Variants in EIF3A observed in about 807,000 individuals in gnomAD.
EIF3A encodes the protein EIF3, p180 subunit.
A neutral mutation model predicts 186.6 loss-of-function variants in EIF3A; 21 were observed. The observed-to-expected ratio is 0.11, with a 90% confidence interval of 0.08 to 0.16. The LOEUF (loss-of-function observed/expected upper bound fraction) is 0.16. Among genes scored for constraint, EIF3A ranks in the 10% least tolerant of loss-of-function variants. The probability of loss-of-function intolerance (pLI) is 1.00; values close to 1 mark genes in which losing one functional copy is unlikely to be tolerated. For missense variants in EIF3A, 1,306 were observed against 1,796.3 expected, an observed-to-expected ratio of 0.73 and a Z score of 4.93; for synonymous variants, 563 against 584.3, an observed-to-expected ratio of 0.96 and a Z score of 0.52.
Position 119,073,596 on chromosome 10 carries a change from A to G in EIF3A, c.241-19T>C. The G allele has an allele frequency of 1.9e-6, 3 of 1,602,630 alleles. No homozygotes were observed. In the South Asian group the frequency reaches 3.4e-5, roughly 18 times the overall value. ...TGTTCACCTAATCCAAAAAAACAAA[A>G]ACTCTTCAGAACTTATTTTTCCATT... On this transcript the variant is annotated intron_variant, in intron 2 of 21. Transcript: ENST00000369144.
chr10:119,055,773 C>T (rs1354572261), intron 14 of EIF3A, among the ~76,000 whole-genome samples: 2 of 152,084 alleles, frequency 1.3e-5, no homozygotes, highest in Non-Finnish European at 2.9e-5. Flanking sequence ...ATGGTAACAA[C>T]AAACACCATG....
At chr10:119,048,120 G>A (rs964023297) in intron 17 of EIF3A, among the ~76,000 whole-genome samples, 3 of 152,086 alleles carry the variant, frequency 2.0e-5, no homozygotes, top group Non-Finnish European at 2.9e-5. Context: ...GACTACTAAC[G>A]CGTGTTTTAA....
chr10:119,048,970 CGAT>C (rs1848319155), intron 17 of EIF3A, among the ~76,000 whole-genome samples: 1 of 152,080 alleles, frequency 6.6e-6, no homozygotes, highest in Admixed American at 6.6e-5. Flanking sequence ...CCCGGCCAAA[CGAT>C]GATGTCTTTC....
In EIF3A at chr10:119,067,228, A is replaced by G. The variant is rs186785550; in HGVS notation, c.951-1658T>C. Among the ~76,000 whole-genome samples the G allele has an allele frequency of 3.3e-3, 508 of 152,072 alleles. 2 individuals are homozygous for G. Among genetic ancestry groups the G allele is most frequent in the Middle Eastern group, 0.031 (9 of 294 alleles). ...CAAAATTCTGTCTCAAAAAAAAAAAAAGGATGTGAATTACATAAGTGACAG... is the reference window on the plus strand; with the variant it reads ...CAAAATTCTGTCTCAAAAAAAAAAAGAGGATGTGAATTACATAAGTGACAG... On this transcript the variant is annotated intron_variant, in intron 6 of 21. Coordinates refer to ENST00000369144, the MANE Select transcript of EIF3A (RefSeq NM_003750.4).
intron 9 of EIF3A, chr10:119,060,032 A>G (rs767609859): frequency 5.8e-6 from 3 of 517,526 alleles, no homozygotes; most frequent in Admixed American, 2.3e-5. Flanking sequence ...GGAGACTGGC[A>G]GCATTACTAT....
At chr10:119,060,254 T>A in intron 9 of EIF3A, 1 of 448,274 alleles carries the variant, frequency 2.2e-6, no homozygotes, top group Non-Finnish European at 4.3e-6. Context: ...GAAAAGGCTG[T>A]CTCATTCACT....
In EIF3A at chr10:119,057,952, G is replaced by T; in HGVS notation, c.1977+4C>A. 1 of 1,606,000 alleles carries T rather than the reference G, an allele frequency of 6.2e-7. No individual in the cohort carries two copies. Among genetic ancestry groups the T allele is most frequent in the South Asian group, 1.1e-5 (1 of 90,100 alleles). On this transcript the variant is annotated splice_donor_region_variant and intron_variant, in intron 12 of 21. Transcript: ENST00000369144. The stretch of plus-strand genomic sequence containing the variant: ...AATTTTTTAATAACTAAGATGCTAC[G>T]TACTTCAATATCAATATCTTTGAAT...
At chr10:119,076,268 G>C (rs1400552746) in intron 1 of EIF3A, among the ~76,000 whole-genome samples, 1 of 149,748 alleles carries the variant, frequency 6.7e-6, no homozygotes. Flanking sequence ...AGGAGGCGGA[G>C]GTTGCGGTGA....
At chr10:119,050,260 A>G (rs1225785548) in intron 16 of EIF3A, among the ~76,000 whole-genome samples, 1 of 152,206 alleles carries the variant, frequency 6.6e-6, no homozygotes, top group South Asian at 2.1e-4. Flanking sequence ...TCTGGAATGT[A>G]TTCCTCAATA....
intron 19 of EIF3A, among the ~76,000 whole-genome samples, chr10:119,041,756 G>A (rs1345993952): frequency 1.3e-5 from 2 of 152,188 alleles, no homozygotes; most frequent in Admixed American, 6.5e-5. Flanking sequence ...AGCAGTCATC[G>A]AAGCAGAAGG....
At chr10:119,067,157 A>T (rs113979870) in intron 6 of EIF3A, among the ~76,000 whole-genome samples, 4,138 of 152,192 alleles carry the variant, frequency 0.027, 181 homozygotes, top group African/African-American at 0.094. Context: ...CAGAGGTTGC[A>T]GCGAGCCAAG....
chr10:119,042,681 C>T lies in EIF3A; in HGVS notation c.2839G>A (p.Glu947Lys). 6.2e-7 allele frequency: 1 copy of T among 1,614,192 alleles called. No individual in the cohort carries two copies. ...PRRLGDDEDREPSLRPDDDRV... is the reference protein window; with the variant it reads ...PRRLGDDEDRKPSLRPDDDRV... ...TCATCGTCTGGTCTAAGAGAGGGCTCTCTATCTTCATCATCCCCCAGACGC... is the reference window on the plus strand; with the variant it reads ...TCATCGTCTGGTCTAAGAGAGGGCTTTCTATCTTCATCATCCCCCAGACGC... The change falls in exon 19 of 22, where the codon GAG becomes AAG. Residue 947 changes from glutamate (E) to lysine (K), a missense_variant. Physicochemically the swap from Glu to Lys is moderately conservative, Grantham distance 56. Around this residue, in one of 8 missense-constraint regions of EIF3A, gnomAD observed 410 missense variants for 473.5 expected, o/e 0.87. Transcript: ENST00000369144. This position sits in a 1 kb window ranked among gnomAD's most constrained non-coding sequence, Gnocchi z 7.8.
chr10:119,052,368 T>TTGTGTGTGTGTGTGTGTGTGTGTG (rs61029991), intron 14 of EIF3A, among the ~76,000 whole-genome samples: 1,685 of 123,006 alleles, frequency 0.014, 84 homozygotes, highest in Middle Eastern at 0.023. Context: ...TTTTTTGGTT[T>TTGTGTGTGTGTGTGTGTGTGTGTG]TGTGTGTGTG....
intron 19 of EIF3A, among the ~76,000 whole-genome samples, chr10:119,040,873 G>A (rs1237309398): frequency 6.6e-6 from 1 of 152,086 alleles, no homozygotes; most frequent in East Asian, 1.9e-4. Context: ...AGGCATAGTG[G>A]TAGGCACCTG....
chr10:119,038,697 G>A (rs1404384673), intron 19 of EIF3A, among the ~76,000 whole-genome samples: 1 of 152,172 alleles, frequency 6.6e-6, no homozygotes, highest in Non-Finnish European at 1.5e-5. Context: ...ACCGAGCCAG[G>A]TGGATCACTT....
At position 119,057,155 on chromosome 10, in the gene EIF3A, T is replaced by C. The variant is rs560637537; in HGVS notation, c.1978-115A>G. The C allele has an allele frequency of 9.0e-5, 57 of 632,788 alleles. No homozygotes were observed. The East Asian group carries it at 1.4e-3, about 16-fold the overall frequency. The allele number at this position is 632,788 out of a possible 1,614,324, so 39.2% of individuals were successfully genotyped here. On this transcript the variant is annotated intron_variant, in intron 12 of 21. Coordinates refer to ENST00000369144, the MANE Select transcript of EIF3A (RefSeq NM_003750.4). Reference sequence around the variant, plus strand: ...TTGCTTTTATTGTTACAATGGGTGATAATTTAGGAAATGTAAAAATATTAT... The same window carrying C: ...TTGCTTTTATTGTTACAATGGGTGACAATTTAGGAAATGTAAAAATATTAT...
intron 7 of EIF3A, among the ~76,000 whole-genome samples, chr10:119,064,563 C>G (rs1843941809): frequency 6.6e-6 from 1 of 152,300 alleles, no homozygotes; most frequent in Admixed American, 6.5e-5. Flanking sequence ...TAAGCCATAC[C>G]TGCTTCCCGT....
At chr10:119,063,033 C>T (rs2119819705) in intron 7 of EIF3A, among the ~76,000 whole-genome samples, 1 of 152,020 alleles carries the variant, frequency 6.6e-6, no homozygotes, top group East Asian at 1.9e-4. Flanking sequence ...TAGGATTAGA[C>T]GTGAGCCACC....
rs756641321 is a variant in EIF3A, at chr10:119,042,154, G to A, written c.3366C>T (p.Asn1122=). ...GCCTGGGAATTCTGTCATCATCGGC[G>A]TTCCTCCAAGGTCCTCGATCATCAT... ...GLDDDRGPWR[N]ADDDRIPRRG... The change falls in exon 19 of 22, where the codon AAC becomes AAT. Residue 1122 remains asparagine (N), a synonymous_variant. Coordinates refer to ENST00000369144, the MANE Select transcript of EIF3A (RefSeq NM_003750.4). This position sits in a 1 kb window ranked among gnomAD's most constrained non-coding sequence, Gnocchi z 7.8. The A allele has an allele frequency of 1.2e-5, 19 of 1,613,722 alleles. No individual in the cohort carries two copies. The highest frequency in any genetic ancestry group is 1.1e-4 in the South Asian group (10 of 91,052).
Sources: allele counts gnomAD v4.1 joint callset (sites outside exome capture counted in the v4.1 genomes callset), GRCh38; gene constraint gnomAD v4.1.1; regional missense constraint gnomAD v4.1.1; non-coding constraint Gnocchi (gnomAD v3.1); transcripts MANE v1.5; gene names NCBI Gene and HGNC (gene_info 2026-07-23, HGNC 2026-07-21).